Variants in SLC22A25 observed in about 807,000 individuals in gnomAD.
SLC22A25 encodes MGI:2442751, MGI:2385316, MGI:3042283, MGI:3645714, MGI:3605624, MGI:2442750.
SLC22A25 carries 44 observed loss-of-function variants against 45.9 expected under a neutral mutation model. The ratio of observed to expected loss-of-function variants is 0.96; its 90% CI spans 0.75 to 1.23. The LOEUF (loss-of-function observed/expected upper bound fraction) is 1.23, where lower values mean the gene tolerates loss of function less well. Ranked by LOEUF, SLC22A25 falls within the 50% of genes most tolerant of loss-of-function variation. The pLI is 0.00. For missense variants in SLC22A25, 800 were observed against 666.4 expected (o/e 1.20, Z -2.21); for synonymous variants, 283 against 238.6 (o/e 1.19, Z -1.72).
intron 5 of SLC22A25, chr11:63,220,101 A>C: frequency 6.2e-6 from 6 of 972,050 alleles, no homozygotes; most frequent in Non-Finnish European, 8.6e-6. Flanking sequence ...TATTGTCCTT[A>C]GATTACTTAC....
intron 7 of SLC22A25, among the ~76,000 whole-genome samples, chr11:63,205,252 CT>C (rs1201842141): frequency 6.6e-6 from 1 of 151,882 alleles, no homozygotes; most frequent in African/African-American, 2.4e-5. Flanking sequence ...ATGAAAAGAA[CT>C]AGAGAAGTAA....
chr11:63,187,804 A>C (rs1378768749), intron 7 of SLC22A25, among the ~76,000 whole-genome samples: 1 of 152,200 alleles, frequency 6.6e-6, no homozygotes, highest in Admixed American at 6.5e-5. Flanking sequence ...TGAGATAATC[A>C]TGTGGTTTTT....
rs193115713 is a variant in SLC22A25 at position 63,197,329 on chromosome 11, G to A, written c.831-13512C>T. ...CCTAAGCCAAAAGAACAAAGCTGGAGGCATCACGCTACCTGACTTCAAACT... is the reference window on the plus strand; with the variant it reads ...CCTAAGCCAAAAGAACAAAGCTGGAAGCATCACGCTACCTGACTTCAAACT... On this transcript the variant is annotated intron_variant, in intron 7 of 11. Transcript: ENST00000306494. Among the ~76,000 whole-genome samples, 143 of 152,256 alleles carry A rather than the reference G, an allele frequency of 9.4e-4. 1 individual carries two copies. Among genetic ancestry groups the A allele is most frequent in the Admixed American group, 4.3e-3 (65 of 15,278 alleles).
At chr11:63,181,785 G>A (rs899051268) in intron 8 of SLC22A25, among the ~76,000 whole-genome samples, 5 of 152,084 alleles carry the variant, frequency 3.3e-5, no homozygotes, top group Admixed American at 2.0e-4. Context: ...TGTGACTGGT[G>A]AGTAAGCTTA....
At chr11:63,196,025 C>T (rs2134766089) in intron 7 of SLC22A25, among the ~76,000 whole-genome samples, 1 of 152,262 alleles carries the variant, frequency 6.6e-6, no homozygotes. Flanking sequence ...AATTCCTGGA[C>T]ATATCCACCC....
intron 10 of SLC22A25, among the ~76,000 whole-genome samples, chr11:63,165,774 G>T (rs1428802441): frequency 6.6e-6 from 1 of 152,170 alleles, no homozygotes; most frequent in African/African-American, 2.4e-5. Context: ...CTGTCCTAGA[G>T]AAACTATCAG....
chr11:63,217,561 G>C lies in SLC22A25; in HGVS notation c.661+20C>G, dbSNP rs371213572. ...TCAAAGCCAAGGCTTGGAAAATGTG[G>C]ATCGAAAATATTGACTTACTTAACA... On this transcript the variant is annotated intron_variant, in intron 6 of 11. Transcript: ENST00000306494. The C allele has an allele frequency of 1.1e-4, 183 of 1,610,242 alleles. No homozygotes were observed. The highest frequency in any genetic ancestry group is 1.5e-4 in the Non-Finnish European group (175 of 1,178,026).
At chr11:63,225,175 T>C (rs947875464) in intron 5 of SLC22A25, among the ~76,000 whole-genome samples, 1 of 152,192 alleles carries the variant, frequency 6.6e-6, no homozygotes, top group African/African-American at 2.4e-5. Context: ...ATGCCACAAT[T>C]ACAGTGTCAT....
At chr11:63,209,765 T>G in intron 7 of SLC22A25, among the ~76,000 whole-genome samples, 1 of 152,174 alleles carries the variant, frequency 6.6e-6, no homozygotes, top group East Asian at 1.9e-4. Flanking sequence ...ATTTGGTGAA[T>G]TCTATTATTA....
intron 3 of SLC22A25, among the ~76,000 whole-genome samples, chr11:63,233,945 T>G (rs1005854217): frequency 4.8e-4 from 73 of 152,190 alleles, no homozygotes; most frequent in Non-Finnish European, 1.0e-4. Context: ...GTTGAGCAGT[T>G]TTGAGTGAGT....
chr11:63,178,068 T>A (rs1319219018), intron 9 of SLC22A25, among the ~76,000 whole-genome samples: 4 of 151,628 alleles, frequency 2.6e-5, no homozygotes, highest in South Asian at 4.2e-4. Context: ...TTTATTTTTT[T>A]TTTTGCAGAG....
intron 7 of SLC22A25, among the ~76,000 whole-genome samples, chr11:63,205,273 A>T (rs2089366721): frequency 6.6e-6 from 1 of 152,110 alleles, no homozygotes; most frequent in Admixed American, 6.6e-5. Context: ...AGAGTAAACA[A>T]ATTCAAAAGC....
At chr11:63,194,244 G>A (rs149316606) in intron 7 of SLC22A25, among the ~76,000 whole-genome samples, 2,704 of 152,186 alleles carry the variant, frequency 0.018, 47 homozygotes, top group Non-Finnish European at 0.023. Context: ...CACTCTTCAG[G>A]ATATTATCCA....
chr11:63,214,944 G>A (rs1173000211), intron 7 of SLC22A25, among the ~76,000 whole-genome samples: 1 of 152,168 alleles, frequency 6.6e-6, no homozygotes, highest in East Asian at 1.9e-4. Context: ...AGATGCTGGA[G>A]AGGATGTGGA....
At chr11:63,238,085 C>T (rs2090192756) in intron 2 of SLC22A25, 73 bp from the exon 3 acceptor site, 1 of 152,204 alleles carries the variant, frequency 6.6e-6, no homozygotes, top group Non-Finnish European at 1.5e-5. Flanking sequence ...CTGATCAAAA[C>T]TCCTGAACAT....
intron 5 of SLC22A25, among the ~76,000 whole-genome samples, chr11:63,222,857 A>G (rs1054087746): frequency 6.6e-6 from 1 of 151,648 alleles, no homozygotes; most frequent in Non-Finnish European, 1.5e-5. Flanking sequence ...TAATTTTATC[A>G]AATGTTTATT....
At chr11:63,231,373 G>A (rs1055892893) in intron 3 of SLC22A25, among the ~76,000 whole-genome samples, 1 of 152,092 alleles carries the variant, frequency 6.6e-6, no homozygotes, top group Non-Finnish European at 1.5e-5. Context: ...TCTCATTGTG[G>A]GTTTGATTTG....
chr11:63,217,246 T>G (rs2089735074), intron 7 of SLC22A25, 68 bp downstream of exon 7: 1 of 1,523,292 alleles, frequency 6.6e-7, no homozygotes, highest in Non-Finnish European at 8.9e-7. Flanking sequence ...ATGGAATTCA[T>G]GTCCTCATTC....
intron 9 of SLC22A25, among the ~76,000 whole-genome samples, chr11:63,177,866 TATATATAATGTATATATATAA>T (rs2088165051): frequency 7.0e-6 from 1 of 141,944 alleles, no homozygotes; most frequent in African/African-American, 2.6e-5. Flanking sequence ...ATATATATAA[TATATATAATGTATATATATAA>T]TATATATATA....
Sources: allele counts gnomAD v4.1 joint callset (sites outside exome capture counted in the v4.1 genomes callset), GRCh38; gene constraint gnomAD v4.1.1; transcripts MANE v1.5; gene names NCBI Gene and HGNC (gene_info 2026-07-23, HGNC 2026-07-21).